The following SLC13A3 variants were observed in gnomAD, a reference collection of about 807,000 sequenced individuals.
SLC13A3 encodes the protein solute carrier family 13 member 3.
SLC13A3 carries 40 observed loss-of-function variants against 59.0 expected under a neutral mutation model. That is an observed-to-expected ratio of 0.68 (90% CI 0.53 to 0.88). The LOEUF is 0.88. SLC13A3 is among the 40% of genes least tolerant of loss of function. The pLI, the probability that SLC13A3 is intolerant of heterozygous loss-of-function variation, is 0.00. For synonymous variants in SLC13A3, 317 were observed against 330.3 expected (o/e 0.96, Z 0.44); for missense variants, 699 against 783.2 (o/e 0.89, Z 1.28).
At chr20:46,585,661 T>C (rs1348434367) in intron 8 of SLC13A3, 1 of 1,287,920 alleles carries the variant, frequency 7.8e-7, no homozygotes, top group Admixed American at 2.6e-5. Flanking sequence ...TCAGGAAAGA[T>C]GTATATCAGA....
chr20:46,626,275 C>T (rs2062671106), intron 1 of SLC13A3, among the ~76,000 whole-genome samples: 1 of 149,266 alleles, frequency 6.7e-6, no homozygotes, highest in Non-Finnish European at 1.5e-5. Context: ...TCTCTCTCTC[C>T]CTCCTCCTCC....
At chr20:46,597,024 G>T (rs1308735908) in intron 4 of SLC13A3, among the ~76,000 whole-genome samples, 1 of 152,138 alleles carries the variant, frequency 6.6e-6, no homozygotes, top group Non-Finnish European at 1.5e-5. Flanking sequence ...CTGCCCTCCA[G>T]CCTGGGTGAC....
chr20:46,561,551 A>G (rs972794143), intron 12 of SLC13A3, among the ~76,000 whole-genome samples: 1 of 151,736 alleles, frequency 6.6e-6, no homozygotes, highest in Non-Finnish European at 1.5e-5. Flanking sequence ...GCCGCTTTGC[A>G]TTTATTTTTA....
upstream of SLC13A3, among the ~76,000 whole-genome samples, chr20:46,670,945 T>C (rs1403272607): frequency 6.6e-6 from 1 of 152,066 alleles, no homozygotes; most frequent in Non-Finnish European, 1.5e-5. Context: ...AAACCTAATA[T>C]GTTGAGCCTT....
At chr20:46,682,550 A>C (rs1183087387) in intron 1 of SLC13A3, among the ~76,000 whole-genome samples, 1 of 152,010 alleles carries the variant, frequency 6.6e-6, no homozygotes, top group South Asian at 2.1e-4. Context: ...TCTCGGTGTC[A>C]TATCACATTT....
chr20:46,583,715 G>T (rs769009565), intron 8 of SLC13A3, 46 bp from the exon 9 acceptor site: 1 of 1,610,676 alleles, frequency 6.2e-7, no homozygotes. Flanking sequence ...GCATCTCAGC[G>T]GGCCGAGGTT....
upstream of SLC13A3, among the ~76,000 whole-genome samples, chr20:46,674,368 G>C (rs954816137): frequency 6.6e-5 from 10 of 152,192 alleles, no homozygotes; most frequent in African/African-American, 2.2e-4. Flanking sequence ...TATGGGGAAG[G>C]GGGCAGGCCT....
upstream of SLC13A3, among the ~76,000 whole-genome samples, chr20:46,674,592 C>CGT (rs1405940789): frequency 2.4e-4 from 17 of 71,670 alleles, no homozygotes; most frequent in African/African-American, 7.2e-4. Context: ...GGGGAGTGCG[C>CGT]GCGCGCGCGC....
chr20:46,582,641 A>G, intron 9 of SLC13A3: 2 of 984,902 alleles, frequency 2.0e-6, no homozygotes, highest in Non-Finnish European at 2.4e-6. Context: ...CTGTTTATGG[A>G]GCTTGCAAAA....
chr20:46,674,604 C>CGCGCGTGTGTGTGT (rs370861850), upstream of SLC13A3, among the ~76,000 whole-genome samples: 14 of 127,956 alleles, frequency 1.1e-4, no homozygotes, highest in African/African-American at 4.1e-4. Flanking sequence ...CGCGCGCGCG[C>CGCGCGTGTGTGTGT]GTGTGTGTGT....
At chr20:46,615,744 C>G (rs2062548166) in intron 1 of SLC13A3, among the ~76,000 whole-genome samples, 2 of 152,140 alleles carry the variant, frequency 1.3e-5, no homozygotes, top group African/African-American at 4.8e-5. Flanking sequence ...CTTAATACAC[C>G]CTACATTGGA....
intron 1 of SLC13A3, among the ~76,000 whole-genome samples, chr20:46,620,893 A>G (rs1478344812): frequency 1.3e-5 from 2 of 152,206 alleles, no homozygotes; most frequent in African/African-American, 4.8e-5. Flanking sequence ...TTTTAAACAA[A>G]TGGGATCAAG....
Position 46,613,473 on chromosome 20 carries a change from C to A in SLC13A3, c.364G>T (p.Val122Phe), listed in dbSNP as rs771444535. Residue 122 changes from valine (V) to phenylalanine (F), a missense_variant, in exon 2 of 13, where the codon GTC becomes TTC. Transcript: ENST00000279027. Reference sequence around the variant, plus strand: ...ACCTGTTCTTACCTGGCCGGCTGGACTCCAACAAGCATCAGGATCTTGAGG... The same window carrying A: ...ACCTGTTCTTACCTGGCCGGCTGGAATCCAACAAGCATCAGGATCTTGAGG... ...IALKILMLVG[V>F]QPARLILGMM... The A allele has an allele frequency of 6.3e-7, 1 of 1,594,820 alleles. No homozygotes were observed. The highest frequency in any genetic ancestry group is 1.3e-5 in the African/African-American group (1 of 74,824).
intron 5 of SLC13A3, among the ~76,000 whole-genome samples, chr20:46,595,663 C>T (rs2062303823): frequency 6.6e-6 from 1 of 152,214 alleles, no homozygotes; most frequent in African/African-American, 2.4e-5. Context: ...ACCTTCCCTT[C>T]GCCCCAGGCT....
At chr20:46,665,601 A>G (rs2063059033) in intron 1 of SLC13A3, among the ~76,000 whole-genome samples, 1 of 152,236 alleles carries the variant, frequency 6.6e-6, no homozygotes, top group Admixed American at 6.5e-5. Flanking sequence ...TTGCTGAATA[A>G]TATTTCATTG....
chr20:46,587,659 A>G (rs995703715), intron 8 of SLC13A3, among the ~76,000 whole-genome samples: 1 of 151,968 alleles, frequency 6.6e-6, no homozygotes, highest in Non-Finnish European at 1.5e-5. Flanking sequence ...CCTTCATAGC[A>G]CTCATTGCAA....
chr20:46,677,076 G>T (rs904187901), intron 1 of SLC13A3, among the ~76,000 whole-genome samples: 1 of 152,102 alleles, frequency 6.6e-6, no homozygotes, highest in Non-Finnish European at 1.5e-5. Flanking sequence ...ATCATGCCTG[G>T]CTAATTTTTG....
chr20:46,626,097 TTCTCTC>T (rs74176872), intron 1 of SLC13A3, among the ~76,000 whole-genome samples: 14 of 145,890 alleles, frequency 9.6e-5, no homozygotes, highest in South Asian at 2.2e-4. Context: ...CAAAGCTGTA[TTCTCTC>T]TCTCTCTCTC....
chr20:46,594,230 GTAT>G lies in SLC13A3; in HGVS notation c.795-1704_795-1702del, dbSNP rs545354393. The stretch of plus-strand genomic sequence containing the variant: ...TATATGTTAATATTATATATTTTAT[GTAT>G]TATATGTTAATATAATATATATTAC... On this transcript the variant is annotated intron_variant, in intron 5 of 12. Transcript: ENST00000279027. 1.3e-3 allele frequency among the ~76,000 whole-genome samples: 195 copies of G among 148,806 alleles called. 1 individual carries two copies. The highest frequency in any genetic ancestry group is 4.7e-3 in the African/African-American group (190 of 40,816).
Sources: allele counts gnomAD v4.1 joint callset (sites outside exome capture counted in the v4.1 genomes callset), GRCh38; gene constraint gnomAD v4.1.1; transcripts MANE v1.5; gene names NCBI Gene and HGNC (gene_info 2026-07-23, HGNC 2026-07-21).